Variants in SFMBT2 observed in about 807,000 individuals in gnomAD.
The protein encoded by SFMBT2 is Scm like with four mbt domains 2.
Under a neutral mutation model 110.1 loss-of-function variants are expected in SFMBT2, and 38 were observed. The ratio of observed to expected loss-of-function variants is 0.35; its 90% CI spans 0.27 to 0.45. The LOEUF is 0.45. Among genes scored for constraint, SFMBT2 ranks in the 20% least tolerant of loss-of-function variants. The pLI, the probability that SFMBT2 is intolerant of heterozygous loss-of-function variation, is 1.00. For synonymous variants in SFMBT2, 425 were observed against 425.4 expected (o/e 1.00, Z 0.01); for missense variants, 1,011 against 1,094.9 (o/e 0.92, Z 1.08).
intron 15 of SFMBT2, among the ~76,000 whole-genome samples, chr10:7,191,040 C>T (rs1391333561): frequency 6.6e-6 from 1 of 150,576 alleles, no homozygotes; most frequent in African/African-American, 2.4e-5. Flanking sequence ...TGCCTTTTGC[C>T]GTCTGCCATG....
intron 1 of SFMBT2, among the ~76,000 whole-genome samples, chr10:7,385,805 C>T (rs1008923202): frequency 3.3e-5 from 5 of 152,070 alleles, no homozygotes; most frequent in Admixed American, 2.0e-4. Context: ...CAAGACCATC[C>T]TGGCTAACAC....
At chr10:7,393,123 C>T (rs1460367724) in intron 1 of SFMBT2, among the ~76,000 whole-genome samples, 4 of 149,908 alleles carry the variant, frequency 2.7e-5, no homozygotes, top group Non-Finnish European at 4.4e-5. Flanking sequence ...CCTCCGCCTC[C>T]CAGTTCAAGT....
intron 7 of SFMBT2, among the ~76,000 whole-genome samples, chr10:7,261,788 C>T (rs1217270716): frequency 6.6e-6 from 1 of 152,156 alleles, no homozygotes; most frequent in African/African-American, 2.4e-5. Flanking sequence ...TTCGTGCTGG[C>T]CTTTCTGGTT....
intron 4 of SFMBT2, among the ~76,000 whole-genome samples, chr10:7,337,449 G>GTTAAA (rs1843750379): frequency 6.6e-6 from 1 of 152,176 alleles, no homozygotes; most frequent in Non-Finnish European, 1.5e-5. Flanking sequence ...AGTTTCTAAT[G>GTTAAA]GTTTAACGCC....
chr10:7,208,808 C>T lies in SFMBT2; in HGVS notation c.1331-2880G>A, dbSNP rs531411844. 1.3e-4 allele frequency among the ~76,000 whole-genome samples: 20 copies of T among 152,180 alleles called. 1 individual carries two copies. Among genetic ancestry groups the T allele is most frequent in the African/African-American group, 3.9e-4 (16 of 41,510 alleles). ...CATCGTATTATGGCTTTAATACATACGCTTCAGTACAATGTATACATTAGT... is the reference window on the plus strand; with the variant it reads ...CATCGTATTATGGCTTTAATACATATGCTTCAGTACAATGTATACATTAGT... On this transcript the variant is annotated intron_variant, in intron 11 of 20. Transcript: ENST00000397167.
At chr10:7,302,640 G>C (rs1842584573) in intron 4 of SFMBT2, among the ~76,000 whole-genome samples, 1 of 152,226 alleles carries the variant, frequency 6.6e-6, no homozygotes. Flanking sequence ...TGATTACAAG[G>C]AGCATTCCAA....
intron 1 of SFMBT2, among the ~76,000 whole-genome samples, chr10:7,400,220 C>A (rs1275461108): frequency 2.6e-5 from 4 of 152,190 alleles, no homozygotes; most frequent in African/African-American, 9.7e-5. Flanking sequence ...CTGAAGTTCA[C>A]AGCGGTAGAG....
Position 7,170,907 on chromosome 10 carries a change from G to T in SFMBT2, c.2544+21C>A. ...CAGAGTCTCAGCACATCAAACAATC[G>T]ACACGCGGCAACCACCGTACCTGCT... On this transcript the variant is annotated intron_variant, in intron 20 of 20. Coordinates refer to ENST00000397167, the MANE Select transcript of SFMBT2 (RefSeq NM_001387889.1). The surrounding 1 kb of genome is among the most constrained non-coding windows in gnomAD (Gnocchi z 4.6). The T allele has an allele frequency of 6.2e-7, 1 of 1,613,734 alleles. No homozygotes were observed. Among genetic ancestry groups the T allele is most frequent in the South Asian group, 1.1e-5 (1 of 91,004 alleles).
At chr10:7,396,393 A>G (rs1845927611) in intron 1 of SFMBT2, among the ~76,000 whole-genome samples, 1 of 152,226 alleles carries the variant, frequency 6.6e-6, no homozygotes, top group Non-Finnish European at 1.5e-5. Context: ...TACACAGAAA[A>G]GGACTCCTCA....
intron 11 of SFMBT2, among the ~76,000 whole-genome samples, chr10:7,211,541 CAG>C (rs2131626803): frequency 6.6e-6 from 1 of 152,310 alleles, no homozygotes; most frequent in Admixed American, 6.5e-5. Context: ...CAAAACCTAA[CAG>C]AGCAGCAGCC....
At chr10:7,319,722 CAGAG>C (rs770282804) in intron 4 of SFMBT2, among the ~76,000 whole-genome samples, 3 of 137,060 alleles carry the variant, frequency 2.2e-5, no homozygotes, top group African/African-American at 5.6e-5. Context: ...CTGAAAGAGA[CAGAG>C]AGAGAGGAAG....
At chr10:7,336,438 T>C (rs1301807977) in intron 4 of SFMBT2, among the ~76,000 whole-genome samples, 1 of 152,172 alleles carries the variant, frequency 6.6e-6, no homozygotes, top group African/African-American at 2.4e-5. Context: ...TTGCATCATA[T>C]GAGCAAATTA....
chr10:7,337,979 C>T (rs1451215419), intron 4 of SFMBT2, among the ~76,000 whole-genome samples: 1 of 152,240 alleles, frequency 6.6e-6, no homozygotes, highest in Non-Finnish European at 1.5e-5. Flanking sequence ...TGCACATCTG[C>T]TAACTCAGAG....
chr10:7,188,395 A>G (rs183652120), intron 16 of SFMBT2, among the ~76,000 whole-genome samples: 1 of 152,232 alleles, frequency 6.6e-6, no homozygotes, highest in African/African-American at 2.4e-5. Context: ...AGCATAATAA[A>G]ATATTAGTTA....
At chr10:7,177,051 A>T (rs1270898320) in intron 16 of SFMBT2, among the ~76,000 whole-genome samples, 3 of 152,140 alleles carry the variant, frequency 2.0e-5, no homozygotes, top group Non-Finnish European at 2.9e-5. Flanking sequence ...CCAGGAACTA[A>T]AACTTGCTTC....
At chr10:7,387,564 G>A (rs774453033) in intron 1 of SFMBT2, among the ~76,000 whole-genome samples, 4 of 151,980 alleles carry the variant, frequency 2.6e-5, no homozygotes, top group South Asian at 2.1e-4. Context: ...GGTGGGCCGG[G>A]GGGTGCATCA....
At chr10:7,221,797 T>G (rs1054851568) in intron 10 of SFMBT2, among the ~76,000 whole-genome samples, 1 of 152,186 alleles carries the variant, frequency 6.6e-6, no homozygotes, top group Admixed American at 6.5e-5. Flanking sequence ...TTCAGTCTTT[T>G]GGGTATACTG....
chr10:7,395,533 G>A (rs1030286396), intron 1 of SFMBT2, among the ~76,000 whole-genome samples: 1 of 152,084 alleles, frequency 6.6e-6, no homozygotes, highest in African/African-American at 2.4e-5. Flanking sequence ...CCTCATCTCC[G>A]TTTTCTCTTT....
chr10:7,293,966 A>C lies in SFMBT2; in HGVS notation c.437-8012T>G, dbSNP rs1237667146. Among the ~76,000 whole-genome samples, 3 of 152,182 alleles carry C rather than the reference A, an allele frequency of 2.0e-5. No homozygotes were observed. In the East Asian group the frequency reaches 5.8e-4, roughly 29 times the overall value. On this transcript the variant is annotated intron_variant, in intron 4 of 20. Coordinates refer to ENST00000397167, the MANE Select transcript of SFMBT2 (RefSeq NM_001387889.1). The surrounding 1 kb of genome is among the most constrained non-coding windows in gnomAD (Gnocchi z 4.6). ...ATCAGTGATGTATATCACAGACATC[A>C]CTTCCTCGCTGGACATGGCCACATC... is the stretch of plus-strand genomic sequence containing the variant.
Sources: allele counts gnomAD v4.1 joint callset (sites outside exome capture counted in the v4.1 genomes callset), GRCh38; gene constraint gnomAD v4.1.1; non-coding constraint Gnocchi (gnomAD v3.1); transcripts MANE v1.5; gene names NCBI Gene and HGNC (gene_info 2026-07-23, HGNC 2026-07-21).